PM20D2: variants seen among roughly 807,000 people sequenced by gnomAD.
PM20D2 encodes peptidase M20 domain containing 2.
A neutral mutation model predicts 42.9 loss-of-function variants in PM20D2; 33 were observed. The observed-to-expected ratio is 0.77, with a 90% CI of 0.58 to 1.03. The LOEUF (loss-of-function observed/expected upper bound fraction) is 1.03. Ranked by LOEUF, PM20D2 falls within the 50% of genes least tolerant of loss-of-function variation. PM20D2 has a pLI of 0.00. For missense variants in PM20D2, 548 were observed against 557.0 expected (o/e 0.98, Z 0.16); for synonymous variants, 250 against 228.2 (o/e 1.10, Z -0.86).
At chr6:89,100,579 A>T in the PM20D2 span, among the ~76,000 whole-genome samples, 2 of 152,078 alleles carry the variant, frequency 1.3e-5, no homozygotes, top group African/African-American at 2.4e-5. Flanking sequence ...AAAGGCAAAG[A>T]ATCATTCCCA....
the PM20D2 span, among the ~76,000 whole-genome samples, chr6:89,125,434 C>T: frequency 2.0e-5 from 3 of 151,470 alleles, no homozygotes; most frequent in Non-Finnish European, 2.9e-5. Context: ...GAGCCGAGAC[C>T]GCGCCACTGC....
At chr6:89,109,654 G>C in the PM20D2 span, among the ~76,000 whole-genome samples, 1 of 152,180 alleles carries the variant, frequency 6.6e-6, no homozygotes, top group Non-Finnish European at 1.5e-5. Context: ...GATGGAACAG[G>C]TCTTTTCAAA....
chr6:89,132,309 C>T, the PM20D2 span, among the ~76,000 whole-genome samples: 1 of 144,898 alleles, frequency 6.9e-6, no homozygotes, highest in Admixed American at 6.6e-5. Context: ...CTCAAACTTC[C>T]TGTGCTGCCA....
chr6:89,134,203 C>T, the PM20D2 span, among the ~76,000 whole-genome samples: 1 of 151,078 alleles, frequency 6.6e-6, no homozygotes, highest in Non-Finnish European at 1.5e-5. Flanking sequence ...CTAGTTGCCC[C>T]CACCTAGAGC....
At chr6:89,095,146 ATATC>A in the PM20D2 span, among the ~76,000 whole-genome samples, 1 of 152,160 alleles carries the variant, frequency 6.6e-6, no homozygotes, top group Admixed American at 6.5e-5. Context: ...TAAGTAACAT[ATATC>A]TATCTATACA....
At chr6:89,129,485 T>G in the PM20D2 span, among the ~76,000 whole-genome samples, 4 of 152,056 alleles carry the variant, frequency 2.6e-5, no homozygotes, top group Non-Finnish European at 5.9e-5. Context: ...TGAGATCCTG[T>G]CTCTAAATAA....
chr6:89,105,598 C>A, the PM20D2 span: 1 of 1,140,460 alleles, frequency 8.8e-7, no homozygotes. Flanking sequence ...GCATTATTTA[C>A]ATGTGAAATG....
chr6:89,159,607 A>G (rs1771167046), intron 5 of PM20D2, among the ~76,000 whole-genome samples: 1 of 152,206 alleles, frequency 6.6e-6, no homozygotes, highest in Non-Finnish European at 1.5e-5. Flanking sequence ...GAAAATAGAA[A>G]GAGTGGATAC....
the PM20D2 span, chr6:89,105,463 G>C: frequency 2.5e-6 from 4 of 1,610,914 alleles, no homozygotes; most frequent in Non-Finnish European, 3.4e-6. Flanking sequence ...ATTTCAATCT[G>C]ACGGCCACAT....
intron 2 of PM20D2, among the ~76,000 whole-genome samples, chr6:89,150,939 A>C (rs1300346726): frequency 6.6e-6 from 1 of 151,370 alleles, no homozygotes; most frequent in African/African-American, 2.4e-5. Flanking sequence ...GGATCACCTG[A>C]GGTTAGGAGT....
chr6:89,105,494 A>G, the PM20D2 span: 1 of 1,609,908 alleles, frequency 6.2e-7, no homozygotes, highest in East Asian at 2.2e-5. Flanking sequence ...TATTGAGGTT[A>G]TAAAGAGCAT....
chr6:89,146,393 G>A lies in PM20D2; in HGVS notation c.249G>A (p.Leu83=). The change falls in exon 1 of 7, where the codon CTG becomes CTA. Residue 83 remains leucine, a synonymous_variant. Coordinates refer to ENST00000275072, the MANE Select transcript of PM20D2 (RefSeq NM_001010853.3). ...GGGCAGTGCAGCCGCACTACCAGCT[G>A]CCCACGGCCTTCCGCGCCGAGTGGG... ...ASWAVQPHYQ[L]PTAFRAEWEP... The A allele has an allele frequency of 6.5e-7, 1 of 1,531,302 alleles. No individual in the cohort carries two copies. The highest frequency in any genetic ancestry group is 2.0e-5 in the Admixed American group (1 of 50,638). The allele number at this position is 1,531,302 out of a possible 1,614,324, so 94.9% of individuals were successfully genotyped here.
chr6:89,161,929 T>A, intron 6 of PM20D2, 39 bp downstream of exon 6: 1 of 1,538,054 alleles, frequency 6.5e-7, no homozygotes, highest in Non-Finnish European at 9.0e-7. Flanking sequence ...GCACACACAC[T>A]CTTCTTCTGG....
At chr6:89,132,068 T>C in the PM20D2 span, among the ~76,000 whole-genome samples, 4 of 152,162 alleles carry the variant, frequency 2.6e-5, no homozygotes, top group African/African-American at 4.8e-5. Flanking sequence ...ACTGAGCCTA[T>C]TGGACACCTA....
chr6:89,117,863 T>C, the PM20D2 span: 1 of 1,562,074 alleles, frequency 6.4e-7, no homozygotes, highest in Non-Finnish European at 8.6e-7. Flanking sequence ...AGGGAGGTGT[T>C]GGGGGGCCTC....
At chr6:89,157,384 G>A (rs1317145968) in intron 4 of PM20D2, among the ~76,000 whole-genome samples, 1 of 152,066 alleles carries the variant, frequency 6.6e-6, no homozygotes, top group East Asian at 1.9e-4. Flanking sequence ...GCTAATATTG[G>A]TTTGAGGGAA....
At chr6:89,133,322 A>G in the PM20D2 span, among the ~76,000 whole-genome samples, 1 of 151,344 alleles carries the variant, frequency 6.6e-6, no homozygotes, top group Non-Finnish European at 1.5e-5. Context: ...TAGCTGTTTT[A>G]TAAATATTTT....
In PM20D2 at chr6:89,146,587, C is replaced by A; in HGVS notation, c.443C>A (p.Pro148His). 1 of 1,463,224 alleles carries A rather than the reference C, an allele frequency of 6.8e-7. No individual in the cohort carries two copies. The highest frequency in any genetic ancestry group is 1.3e-5 in the South Asian group (1 of 75,846). 90.6% of individuals were successfully genotyped at this position (1,463,224 alleles called of 1,614,324 possible). The change falls in exon 1 of 7, where the codon CCC (proline) becomes CAC (histidine). Residue 148 changes from proline (P) to histidine (H), a missense_variant. Around this residue, in one of 3 missense-constraint regions of PM20D2, gnomAD observed 470 missense variants for 464.4 expected, o/e 1.01. Transcript: ENST00000275072. Reference protein sequence around the residue: ...LGVRGALEGLPRPPPPVKVVV... With the variant: ...LGVRGALEGLHRPPPPVKVVV... ...GTGAGGGGGGCCTTAGAGGGCCTCC[C>A]CAGGCCGCCTCCGCCCGTGAAGGTG...
At chr6:89,128,187 G>T in the PM20D2 span, among the ~76,000 whole-genome samples, 1 of 152,156 alleles carries the variant, frequency 6.6e-6, no homozygotes, top group Non-Finnish European at 1.5e-5. Flanking sequence ...AAGTAGGAGA[G>T]ATATTGCTAA....
Sources: allele counts gnomAD v4.1 joint callset (sites outside exome capture counted in the v4.1 genomes callset), GRCh38; gene constraint gnomAD v4.1.1; regional missense constraint gnomAD v4.1.1; transcripts MANE v1.5; gene names NCBI Gene and HGNC (gene_info 2026-07-23, HGNC 2026-07-21).